Variants in FMN2 observed in about 807,000 individuals in gnomAD.
FMN2 encodes the protein formin 2, also known as formin-2.
A neutral mutation model predicts 142.3 loss-of-function variants in FMN2; 51 were observed. The ratio of observed to expected loss-of-function variants is 0.36; its 90% CI spans 0.29 to 0.45. The LOEUF (loss-of-function observed/expected upper bound fraction) is 0.45, where lower values mean the gene tolerates loss of function less well. Among genes scored for constraint, FMN2 ranks in the 20% least tolerant of loss-of-function variants. The probability of loss-of-function intolerance (pLI) is 1.00; values close to 1 mark genes in which losing one functional copy is unlikely to be tolerated. For synonymous variants in FMN2, 882 were observed against 869.8 expected, an observed-to-expected ratio of 1.01 and a Z score of -0.25; for missense variants, 1,936 against 2,122.8, an observed-to-expected ratio of 0.91 and a Z score of 1.73.
chr1:240,189,700 T>C (rs1477114118), intron 4 of FMN2, among the ~76,000 whole-genome samples: 1 of 152,206 alleles, frequency 6.6e-6, no homozygotes, highest in Non-Finnish European at 1.5e-5. Flanking sequence ...AGCAGAGGGC[T>C]ACATCAACTT....
intron 15 of FMN2, among the ~76,000 whole-genome samples, chr1:240,419,396 C>A (rs978797111): frequency 2.6e-5 from 4 of 151,824 alleles, no homozygotes; most frequent in African/African-American, 9.7e-5. Context: ...TACTTTCAAC[C>A]TTTCTGTGTC....
At chr1:240,318,594 T>C (rs1323859099) in intron 8 of FMN2, among the ~76,000 whole-genome samples, 1 of 152,160 alleles carries the variant, frequency 6.6e-6, no homozygotes, top group Non-Finnish European at 1.5e-5. Context: ...CTATGTTTGT[T>C]TGTACCATTA....
intron 15 of FMN2, among the ~76,000 whole-genome samples, chr1:240,420,094 G>T (rs548524147): frequency 1.3e-5 from 2 of 152,218 alleles, no homozygotes; most frequent in South Asian, 4.2e-4. Flanking sequence ...CATCCCAGTG[G>T]ATTTTAATGA....
chr1:240,399,310 G>A (rs1194260157), intron 15 of FMN2, among the ~76,000 whole-genome samples: 1 of 151,916 alleles, frequency 6.6e-6, no homozygotes, highest in Admixed American at 6.6e-5. Flanking sequence ...CTTTTAGCAT[G>A]AACTATCTTC....
intron 1 of FMN2, among the ~76,000 whole-genome samples, chr1:240,108,296 G>A (rs1661688165): frequency 6.6e-6 from 1 of 152,122 alleles, no homozygotes; most frequent in South Asian, 2.1e-4. Context: ...TATCCTTGTA[G>A]CAGTCTTCTT....
intron 14 of FMN2, among the ~76,000 whole-genome samples, chr1:240,372,134 G>A (rs1444944980): frequency 6.6e-6 from 1 of 152,130 alleles, no homozygotes; most frequent in African/African-American, 2.4e-5. Flanking sequence ...TACTTGGGAG[G>A]CTGAGGTAGA....
intron 3 of FMN2, among the ~76,000 whole-genome samples, chr1:240,182,386 G>A (rs767488770): frequency 9.2e-5 from 14 of 152,086 alleles, no homozygotes; most frequent in Non-Finnish European, 1.6e-4. Flanking sequence ...GGCAATCAAG[G>A]CACAGAAAAT....
chr1:240,254,916 A>G (rs977977379), intron 6 of FMN2, among the ~76,000 whole-genome samples: 10 of 152,140 alleles, frequency 6.6e-5, no homozygotes, highest in African/African-American at 2.4e-4. Context: ...GCCCTCCTGT[A>G]ACTGCTTGTG....
intron 7 of FMN2, among the ~76,000 whole-genome samples, chr1:240,276,567 A>C (rs1244928176): frequency 1.3e-5 from 2 of 152,302 alleles, no homozygotes; most frequent in Non-Finnish European, 2.9e-5. Context: ...GCACCAAAGC[A>C]AAAGGAAAAT....
chr1:240,352,437 CAG>C (rs1381783399), intron 13 of FMN2, among the ~76,000 whole-genome samples: 1 of 152,084 alleles, frequency 6.6e-6, no homozygotes, highest in African/African-American at 2.4e-5. Flanking sequence ...CAAAAATTAA[CAG>C]GGCGTGGTGG....
chr1:240,446,888 A>G (rs1274115211), intron 16 of FMN2, among the ~76,000 whole-genome samples: 1 of 152,090 alleles, frequency 6.6e-6, no homozygotes, highest in Non-Finnish European at 1.5e-5. Flanking sequence ...CTCCTGCTCG[A>G]CTTTAGGATT....
intron 2 of FMN2, among the ~76,000 whole-genome samples, chr1:240,155,566 T>C (rs935883371): frequency 1.3e-5 from 2 of 152,290 alleles, no homozygotes; most frequent in Non-Finnish European, 2.9e-5. Context: ...TGTGAGCCAC[T>C]GTGCCTGGCC....
At chr1:240,283,482 G>A (rs1041498343) in intron 7 of FMN2, among the ~76,000 whole-genome samples, 1 of 152,156 alleles carries the variant, frequency 6.6e-6, no homozygotes, top group African/African-American at 2.4e-5. Context: ...TGTGAGTGGT[G>A]GCATCCTTTC....
At chr1:240,437,545 A>G (rs9727881) in intron 15 of FMN2, among the ~76,000 whole-genome samples, 137,814 of 151,946 alleles carry the variant, frequency 0.91, 62,587 homozygotes, top group East Asian at 0.96. Context: ...CTCGTGATCC[A>G]CCCACCTTGG....
At chr1:240,470,379 G>A (rs1425635913) in intron 16 of FMN2, among the ~76,000 whole-genome samples, 1 of 152,116 alleles carries the variant, frequency 6.6e-6, no homozygotes, top group Non-Finnish European at 1.5e-5. Flanking sequence ...TTATGGCTTG[G>A]GTGAAAAGTA....
chr1:240,380,040 G>A (rs934342220), intron 14 of FMN2, among the ~76,000 whole-genome samples: 5 of 152,052 alleles, frequency 3.3e-5, no homozygotes, highest in Admixed American at 3.3e-4. Context: ...GTAATTTGGG[G>A]ACACTTCAAT....
chr1:240,430,086 C>T (rs1675097230), intron 15 of FMN2, among the ~76,000 whole-genome samples: 2 of 151,942 alleles, frequency 1.3e-5, no homozygotes, highest in East Asian at 1.9e-4. Flanking sequence ...TGGGATTCCA[C>T]CATGTTAGTC....
At chr1:240,349,890 T>C (rs1672032651) in intron 13 of FMN2, among the ~76,000 whole-genome samples, 1 of 152,212 alleles carries the variant, frequency 6.6e-6, no homozygotes, top group Non-Finnish European at 1.5e-5. Flanking sequence ...GAACTCTATC[T>C]TTGTTCTGTT....
At chr1:240,419,322 T>A (rs1467586878) in intron 15 of FMN2, among the ~76,000 whole-genome samples, 8 of 152,216 alleles carry the variant, frequency 5.3e-5, no homozygotes, top group Non-Finnish European at 1.2e-4. Context: ...TACTTTGCCT[T>A]ATGTTAATAT....
Sources: gnomAD v4.1 joint callset for allele counts (sites outside exome capture counted in the v4.1 genomes callset) on GRCh38, gnomAD v4.1.1 for gene constraint, MANE v1.5 for transcripts, NCBI Gene and HGNC (gene_info 2026-07-23, HGNC 2026-07-21) for gene names.